Variants in PIERCE2 observed in about 807,000 individuals in gnomAD.
PIERCE2 encodes the protein piercer of microtubule wall 2, also known as piercer of microtubule wall 2 protein.
chr15:55,409,266 G>A, the PIERCE2 span, among the ~76,000 whole-genome samples: 1 of 152,032 alleles, frequency 6.6e-6, no homozygotes, highest in African/African-American at 2.4e-5. Context: ...TTAGCCAGGA[G>A]AGGTGGCGCG....
At chr15:55,413,564 G>A in the PIERCE2 span, among the ~76,000 whole-genome samples, 1 of 151,976 alleles carries the variant, frequency 6.6e-6, no homozygotes, top group African/African-American at 2.4e-5. Context: ...TTTGAGACCA[G>A]CCTGACCAAC....
chr15:55,410,300 C>T, the PIERCE2 span, among the ~76,000 whole-genome samples: 3 of 152,202 alleles, frequency 2.0e-5, no homozygotes, highest in Admixed American at 6.5e-5. Context: ...CAAAGCTGAA[C>T]GAAATTCTAG....
At chr15:55,414,476 T>C in the PIERCE2 span, among the ~76,000 whole-genome samples, 1 of 152,088 alleles carries the variant, frequency 6.6e-6, no homozygotes, top group Non-Finnish European at 1.5e-5. Context: ...CTAGAAATGT[T>C]CTTATATTTG....
the PIERCE2 span, chr15:55,408,665 T>C: frequency 2.9e-6 from 2 of 695,736 alleles, no homozygotes; most frequent in African/African-American, 1.8e-5. Context: ...GCTGCTTTAA[T>C]TGGGTGCGGT....
chr15:55,411,440 G>A, the PIERCE2 span, among the ~76,000 whole-genome samples: 1 of 152,084 alleles, frequency 6.6e-6, no homozygotes, highest in African/African-American at 2.4e-5. Context: ...CTCCAGCTTA[G>A]GTGACAGAGC....
At chr15:55,411,188 G>C in the PIERCE2 span, 4 of 152,202 alleles carry the variant, frequency 2.6e-5, no homozygotes, top group African/African-American at 9.7e-5. Flanking sequence ...ATTTGGTGAG[G>C]CATGGTGGCT....
chr15:55,418,126 C>A, the PIERCE2 span: 2 of 1,578,424 alleles, frequency 1.3e-6, no homozygotes, highest in East Asian at 2.2e-5. Flanking sequence ...CTCAAGAGAA[C>A]AGAATTCCTG....
At chr15:55,410,118 C>T in the PIERCE2 span, among the ~76,000 whole-genome samples, 3 of 151,360 alleles carry the variant, frequency 2.0e-5, no homozygotes, top group Non-Finnish European at 4.4e-5. Context: ...AAGCAATGGA[C>T]CTTTTGTTTC....
At chr15:55,415,593 C>T in the PIERCE2 span, among the ~76,000 whole-genome samples, 1 of 152,076 alleles carries the variant, frequency 6.6e-6, no homozygotes, top group African/African-American at 2.4e-5. Context: ...TAAGGGGGTC[C>T]GCGTGAGAGA....
the PIERCE2 span, among the ~76,000 whole-genome samples, chr15:55,414,109 G>C: frequency 6.6e-6 from 1 of 151,706 alleles, no homozygotes; most frequent in African/African-American, 2.4e-5. Flanking sequence ...GCGTTAGCCA[G>C]GATGGTCTGG....
At chr15:55,413,535 G>A in the PIERCE2 span, among the ~76,000 whole-genome samples, 5 of 152,088 alleles carry the variant, frequency 3.3e-5, no homozygotes, top group African/African-American at 1.2e-4. Flanking sequence ...AAGGCAGGCA[G>A]ATCACTTGAG....
At chr15:55,409,706 T>A in the PIERCE2 span, among the ~76,000 whole-genome samples, 1 of 152,196 alleles carries the variant, frequency 6.6e-6, no homozygotes, top group East Asian at 1.9e-4. Flanking sequence ...AATCAATGGC[T>A]TGTTTTCATT....
At chr15:55,415,878 G>C in the PIERCE2 span, among the ~76,000 whole-genome samples, 5 of 151,824 alleles carry the variant, frequency 3.3e-5, no homozygotes, top group African/African-American at 1.2e-4. Flanking sequence ...CAATATGAGG[G>C]GTGGTCTTCT....
chr15:55,412,924 G>A, the PIERCE2 span, among the ~76,000 whole-genome samples: 1 of 151,908 alleles, frequency 6.6e-6, no homozygotes, highest in African/African-American at 2.4e-5. Context: ...GAGACCAGGA[G>A]TTCAAGACCA....
the PIERCE2 span, among the ~76,000 whole-genome samples, chr15:55,415,189 C>T: frequency 1.3e-5 from 2 of 151,000 alleles, no homozygotes; most frequent in Non-Finnish European, 3.0e-5. Context: ...AGGGCTTGGC[C>T]GGGCGTGGTG....
the PIERCE2 span, among the ~76,000 whole-genome samples, chr15:55,409,373 G>C: frequency 6.6e-6 from 1 of 151,584 alleles, no homozygotes; most frequent in East Asian, 1.9e-4. Flanking sequence ...CCACTGAACT[G>C]CAGCCTGGGC....
the PIERCE2 span, among the ~76,000 whole-genome samples, chr15:55,414,617 G>A: frequency 6.6e-6 from 1 of 152,160 alleles, no homozygotes; most frequent in Non-Finnish European, 1.5e-5. Context: ...GGTGGCTCAC[G>A]CCTGTAATCC....
At chr15:55,413,991 A>C in the PIERCE2 span, among the ~76,000 whole-genome samples, 1 of 149,390 alleles carries the variant, frequency 6.7e-6, no homozygotes, top group African/African-American at 2.5e-5. Context: ...TCCATCTCCC[A>C]GGTTCACGCC....
At chr15:55,414,412 T>C in the PIERCE2 span, among the ~76,000 whole-genome samples, 1 of 151,076 alleles carries the variant, frequency 6.6e-6, no homozygotes, top group Non-Finnish European at 1.5e-5. Flanking sequence ...GGTTTCACCA[T>C]GTTGGCCAGG....
Sources: allele counts gnomAD v4.1 joint callset (sites outside exome capture counted in the v4.1 genomes callset), GRCh38; gene constraint gnomAD v4.1.1; transcripts MANE v1.5; gene names NCBI Gene and HGNC (gene_info 2026-07-23, HGNC 2026-07-21).